Variants in CBLB observed in about 807,000 individuals in gnomAD.
CBLB encodes E3 ubiquitin-protein ligase CBL-B.
A neutral mutation model predicts 104.9 loss-of-function variants in CBLB; 31 were observed. The observed-to-expected ratio is 0.30, with a 90% CI of 0.22 to 0.40. CBLB has a LOEUF of 0.40. Among genes scored for constraint, CBLB ranks in the 10% least tolerant of loss-of-function variants. The pLI is 1.00. For missense variants in CBLB, 1,062 were observed against 1,214.6 expected, an observed-to-expected ratio of 0.87 and a Z score of 1.87; for synonymous variants, 440 against 422.6, an observed-to-expected ratio of 1.04 and a Z score of -0.51.
In CBLB at chr3:105,780,660, G is replaced by GTTTTTT. The variant is rs58640968; in HGVS notation, c.420-4124_420-4119dup. Among the ~76,000 whole-genome samples the GTTTTTT allele has an allele frequency of 1.2e-3, 117 of 94,024 alleles. 5 individuals carry two copies. Among genetic ancestry groups the GTTTTTT allele is most frequent in the Middle Eastern group, 0.01 (1 of 96 alleles). The allele number at this position is 94,024 out of a possible 152,430, so 61.7% of individuals were successfully genotyped here. A position where few individuals can be genotyped will look rare whatever the true frequency, so the allele number is the denominator to read the frequency against. On this transcript the variant is annotated intron_variant, in intron 3 of 18. Coordinates refer to ENST00000394030, the MANE Select transcript of CBLB (RefSeq NM_170662.5). ...TTTTACAATAAAAGTTTTGTTTTTT[G>GTTTTTT]TTTTTTTTTTTTTTTTTTTTGAGAT...
intron 3 of CBLB, among the ~76,000 whole-genome samples, chr3:105,818,049 T>C (rs1004286569): frequency 1.3e-5 from 2 of 152,186 alleles, no homozygotes; most frequent in Non-Finnish European, 2.9e-5. Context: ...CAGAAATCCA[T>C]GTGCTTTCCT....
intron 3 of CBLB, among the ~76,000 whole-genome samples, chr3:105,832,979 G>A (rs1312154833): frequency 3.3e-5 from 5 of 152,260 alleles, no homozygotes; most frequent in African/African-American, 9.6e-5. Flanking sequence ...GTTATGATAC[G>A]AAAGATGTGT....
intron 3 of CBLB, among the ~76,000 whole-genome samples, chr3:105,847,979 TAC>T (rs1489485335): frequency 6.6e-6 from 1 of 152,026 alleles, no homozygotes; most frequent in Non-Finnish European, 1.5e-5. Context: ...TGCTTCAAAC[TAC>T]AGACTTCTCC....
intron 3 of CBLB, among the ~76,000 whole-genome samples, chr3:105,806,452 T>C (rs1233372467): frequency 7.2e-6 from 1 of 139,308 alleles, no homozygotes; most frequent in Non-Finnish European, 1.5e-5. Context: ...ACTATTTATA[T>C]GGGTTTGTGA....
intron 13 of CBLB, among the ~76,000 whole-genome samples, chr3:105,687,170 C>T (rs573070941): frequency 1.3e-5 from 2 of 152,124 alleles, no homozygotes; most frequent in South Asian, 4.1e-4. Flanking sequence ...TAATGAATCC[C>T]TTTCTATGCA....
chr3:105,668,913 C>G (rs1422006968), intron 18 of CBLB, among the ~76,000 whole-genome samples: 2 of 152,030 alleles, frequency 1.3e-5, no homozygotes. Flanking sequence ...GAGGTTTTAG[C>G]TTAAAAAAAT....
In CBLB at chr3:105,734,154, AG is replaced by A; in HGVS notation, c.1072-15del. 6.2e-7 allele frequency: 1 copy of A among 1,613,070 alleles called. No individual in the cohort carries two copies. The highest frequency in any genetic ancestry group is 8.5e-7 in the Non-Finnish European group (1 of 1,179,116). ...TTCATATTGTTCCTGGAATTTGGGGAGGAGGGAGAAAGTAATGTTAATGTAT... is the reference window on the plus strand; with the variant it reads ...TTCATATTGTTCCTGGAATTTGGGGAGAGGGAGAAAGTAATGTTAATGTAT... On this transcript the variant is annotated splice_polypyrimidine_tract_variant and intron_variant, in intron 8 of 18. Coordinates refer to ENST00000394030, the MANE Select transcript of CBLB (RefSeq NM_170662.5).
chr3:105,747,137 C>G (rs1180633888), intron 5 of CBLB, among the ~76,000 whole-genome samples: 1 of 152,264 alleles, frequency 6.6e-6, no homozygotes, highest in Admixed American at 6.5e-5. Flanking sequence ...CAGTGATAGA[C>G]AACTTTACTC....
intron 4 of CBLB, among the ~76,000 whole-genome samples, chr3:105,754,342 C>A (rs1249863454): frequency 6.6e-6 from 1 of 152,222 alleles, no homozygotes; most frequent in South Asian, 2.1e-4. Context: ...AATTTTCACA[C>A]CTCCATTTAA....
intron 3 of CBLB, among the ~76,000 whole-genome samples, chr3:105,806,492 A>AAAC: frequency 6.6e-6 from 1 of 151,718 alleles, no homozygotes; most frequent in East Asian, 1.9e-4. Flanking sequence ...AAAAAAAAAA[A>AAAC]AAACAGAAAT....
At chr3:105,869,181 T>G, upstream of CBLB, 1 of 605,722 alleles carries the variant, frequency 1.7e-6, no homozygotes, top group South Asian at 1.6e-5. Flanking sequence ...GTCCACGTCC[T>G]CCACAGTACA....
At chr3:105,703,956 T>A (rs1196524855) in intron 11 of CBLB, 32 bp downstream of exon 11, 18 of 1,594,226 alleles carry the variant, frequency 1.1e-5, no homozygotes, top group Non-Finnish European at 1.5e-5. Context: ...CTTACAAAAT[T>A]TTCATCTGTG....
intron 3 of CBLB, among the ~76,000 whole-genome samples, chr3:105,798,944 T>C (rs1252053493): frequency 1.3e-5 from 2 of 152,106 alleles, no homozygotes; most frequent in African/African-American, 2.4e-5. Context: ...ACTAATTAAG[T>C]TGGACTCCAG....
chr3:105,696,373 G>A (rs1478779066), intron 12 of CBLB, among the ~76,000 whole-genome samples: 2 of 151,876 alleles, frequency 1.3e-5, no homozygotes, highest in East Asian at 3.9e-4. Flanking sequence ...GTTCTCACCT[G>A]CAACCATTTC....
At chr3:105,776,978 C>A (rs1428208968) in intron 3 of CBLB, among the ~76,000 whole-genome samples, 1 of 151,934 alleles carries the variant, frequency 6.6e-6, no homozygotes, top group Non-Finnish European at 1.5e-5. Flanking sequence ...GATAAAAGAC[C>A]TGGAGAGGAG....
At chr3:105,865,779 G>A (rs1232161336) in intron 2 of CBLB, among the ~76,000 whole-genome samples, 9 of 152,004 alleles carry the variant, frequency 5.9e-5, no homozygotes, top group Non-Finnish European at 1.2e-4. Flanking sequence ...GTTGGAGGGT[G>A]GGGGAAAAAG....
At chr3:105,860,852 G>A (rs2092023555) in intron 2 of CBLB, among the ~76,000 whole-genome samples, 1 of 152,146 alleles carries the variant, frequency 6.6e-6, no homozygotes, top group South Asian at 2.1e-4. Context: ...AGGAAATAAG[G>A]CTAAGCCCAG....
In CBLB at chr3:105,742,288, T is replaced by C. The variant is rs1332054377; in HGVS notation, c.846-1657A>G. Among the ~76,000 whole-genome samples the C allele has an allele frequency of 2.0e-5, 3 of 152,216 alleles. No individual in the cohort carries two copies. In the East Asian group the frequency reaches 5.8e-4, roughly 29 times the overall value. On this transcript the variant is annotated intron_variant, in intron 6 of 18. Transcript: ENST00000394030. ...TCATTGATAGACCAAGCACTATAAATGTAACTTGAAAGATATACTTTAACA... is the reference window on the plus strand; with the variant it reads ...TCATTGATAGACCAAGCACTATAAACGTAACTTGAAAGATATACTTTAACA...
In CBLB at chr3:105,655,757, T is replaced by C. The variant is rs1473029144; in HGVS notation, c.*3213A>G. On this transcript the variant is annotated 3_prime_UTR_variant, in exon 19 of 19. Coordinates refer to ENST00000394030, the MANE Select transcript of CBLB (RefSeq NM_170662.5). The stretch of plus-strand genomic sequence containing the variant: ...AAGTATACTGTAATTTGCTTCCAAA[T>C]CTGTTAGCTGAAGAGAGAAACTAAA... 1 of 208,312 alleles carries C rather than the reference T, an allele frequency of 4.8e-6. No individual in the cohort carries two copies. The highest frequency in any genetic ancestry group is 7.2e-5 in the East Asian group (1 of 13,794). 12.9% of individuals were successfully genotyped at this position (208,312 alleles called of 1,614,324 possible). A position where few individuals can be genotyped will look rare whatever the true frequency, so the allele number is the denominator to read the frequency against.
Sources: allele counts gnomAD v4.1 joint callset (sites outside exome capture counted in the v4.1 genomes callset), GRCh38; gene constraint gnomAD v4.1.1; transcripts MANE v1.5; gene names NCBI Gene and HGNC (gene_info 2026-07-23, HGNC 2026-07-21).